SGCD: variants seen among roughly 807,000 people sequenced by gnomAD.
SGCD encodes delta-sarcoglycan.
A neutral mutation model predicts 36.6 loss-of-function variants in SGCD; 18 were observed. The observed-to-expected ratio is 0.49, with a 90% CI of 0.34 to 0.73. SGCD has a LOEUF of 0.73. SGCD is among the 30% of genes least tolerant of loss of function. SGCD has a pLI of 0.01. For synonymous variants in SGCD, 133 were observed against 130.6 expected, an observed-to-expected ratio of 1.02 and a Z score of -0.12; for missense variants, 387 against 346.7, an observed-to-expected ratio of 1.12 and a Z score of -0.92.
At chr5:156,431,457 G>A (rs1753006975) in intron 3 of SGCD, among the ~76,000 whole-genome samples, 2 of 152,102 alleles carry the variant, frequency 1.3e-5, no homozygotes, top group African/African-American at 4.8e-5. Context: ...AGGGGAACAA[G>A]GACCCCTTCT....
the SGCD span, chr5:155,845,567 G>A: frequency 6.6e-6 from 1 of 152,082 alleles, no homozygotes; most frequent in African/African-American, 2.4e-5. Context: ...TCCAAATGAA[G>A]TTATTACAAT....
chr5:156,582,622 A>T, intron 4 of SGCD, among the ~76,000 whole-genome samples: 1 of 152,212 alleles, frequency 6.6e-6, no homozygotes, highest in East Asian at 1.9e-4. Flanking sequence ...TAAAGAAAAT[A>T]TATCAGTATT....
Position 156,340,305 on chromosome 5 carries a change from T to C in SGCD, c.4-4184T>C, listed in dbSNP as rs550270008. ...TAAACTTTTGACTAGCTTCTGTCTT[T>C]TCTACTACCCATGTATTTCTGGTGC... On this transcript the variant is annotated intron_variant, in intron 2 of 8. Coordinates refer to ENST00000337851, the MANE Select transcript of SGCD (RefSeq NM_000337.6). Among the ~76,000 whole-genome samples the C allele has an allele frequency of 5.3e-5, 8 of 152,368 alleles. No homozygotes were observed. In the South Asian group the frequency reaches 1.0e-3, roughly 20 times the overall value.
At chr5:155,806,088 AT>A in the SGCD span, among the ~76,000 whole-genome samples, 1 of 152,192 alleles carries the variant, frequency 6.6e-6, no homozygotes, top group Non-Finnish European at 1.5e-5. Context: ...CATTCTTAGA[AT>A]GATAGACTTT....
intron 3 of SGCD, among the ~76,000 whole-genome samples, chr5:156,379,682 G>A (rs1426767680): frequency 6.6e-6 from 1 of 152,136 alleles, no homozygotes; most frequent in Admixed American, 6.5e-5. Context: ...GAGAAGGAAG[G>A]GGATGAGGTA....
intron 3 of SGCD, among the ~76,000 whole-genome samples, chr5:156,234,909 A>G (rs1765116953): frequency 6.6e-6 from 1 of 152,174 alleles, no homozygotes; most frequent in African/African-American, 2.4e-5. Flanking sequence ...ACCTGATGTG[A>G]GGCCTATACC....
chr5:156,656,035 A>C (rs1763660985), intron 7 of SGCD, among the ~76,000 whole-genome samples: 1 of 152,106 alleles, frequency 6.6e-6, no homozygotes, highest in Admixed American at 6.6e-5. Flanking sequence ...AGACGGTAAA[A>C]TCTTCTTTCT....
At chr5:156,355,865 G>A (rs1338840698) in intron 3 of SGCD, among the ~76,000 whole-genome samples, 1 of 152,174 alleles carries the variant, frequency 6.6e-6, no homozygotes, top group East Asian at 1.9e-4. Context: ...TTGAATTCCT[G>A]AACTCAAGTG....
upstream of SGCD, among the ~76,000 whole-genome samples, chr5:156,323,547 G>A (rs926145020): frequency 1.4e-5 from 2 of 143,354 alleles, no homozygotes; most frequent in African/African-American, 5.2e-5. Context: ...CTAGACATTG[G>A]AAAAATGGCA....
chr5:156,629,823 C>G (rs1020272491), intron 6 of SGCD, among the ~76,000 whole-genome samples: 4 of 151,036 alleles, frequency 2.6e-5, no homozygotes, highest in African/African-American at 9.8e-5. Context: ...GTTTGCCAGT[C>G]CCTGGTCTAG....
intron 4 of SGCD, among the ~76,000 whole-genome samples, chr5:156,536,290 T>A (rs1351747540): frequency 6.6e-6 from 1 of 152,192 alleles, no homozygotes; most frequent in Non-Finnish European, 1.5e-5. Context: ...TGGTCTCTAG[T>A]TAGTGTGTGG....
intron 4 of SGCD, among the ~76,000 whole-genome samples, chr5:156,564,599 T>C (rs1412971231): frequency 1.3e-5 from 2 of 152,200 alleles, no homozygotes; most frequent in Admixed American, 1.3e-4. Flanking sequence ...CACAGAACTC[T>C]TTTCATCTTG....
the SGCD span, among the ~76,000 whole-genome samples, chr5:155,822,571 A>G: frequency 6.6e-6 from 1 of 152,082 alleles, no homozygotes; most frequent in Non-Finnish European, 1.5e-5. Context: ...GAAAAAATCT[A>G]TAGGCAGTTG....
At chr5:156,375,454 T>C (rs1047854419) in intron 3 of SGCD, among the ~76,000 whole-genome samples, 1 of 150,222 alleles carries the variant, frequency 6.7e-6, no homozygotes, top group African/African-American at 2.5e-5. Context: ...GTGCTACCTA[T>C]GGTCTTGTGG....
chr5:155,907,787 A>G (rs1357251323), intron 1 of SGCD, among the ~76,000 whole-genome samples: 2 of 152,158 alleles, frequency 1.3e-5, no homozygotes, highest in African/African-American at 4.8e-5. Context: ...ATAACTAGAA[A>G]AGATTTAGAA....
chr5:156,371,004 T>G (rs990070519), intron 3 of SGCD, among the ~76,000 whole-genome samples: 2 of 152,280 alleles, frequency 1.3e-5, no homozygotes, highest in African/African-American at 4.8e-5. Flanking sequence ...GATGTTTTTC[T>G]CCCCTTATGG....
intron 3 of SGCD, among the ~76,000 whole-genome samples, chr5:156,374,812 C>T (rs539974454): frequency 3.2e-4 from 48 of 152,198 alleles, no homozygotes; most frequent in African/African-American, 9.6e-4. Flanking sequence ...ATGCTGACAG[C>T]ATACCAACAC....
At chr5:156,758,863 C>T (rs777119950) in intron 8 of SGCD, among the ~76,000 whole-genome samples, 3 of 151,922 alleles carry the variant, frequency 2.0e-5, no homozygotes, top group African/African-American at 4.8e-5. Flanking sequence ...CTTGAACACT[C>T]ACCTTGCACA....
intron 3 of SGCD, among the ~76,000 whole-genome samples, chr5:156,284,379 T>C (rs1766537342): frequency 6.6e-6 from 1 of 152,006 alleles, no homozygotes; most frequent in Admixed American, 6.6e-5. Flanking sequence ...AAAAAGAGAA[T>C]TTTAGACCAA....
Sources: gnomAD v4.1 joint callset for allele counts (sites outside exome capture counted in the v4.1 genomes callset) on GRCh38, gnomAD v4.1.1 for gene constraint, MANE v1.5 for transcripts, NCBI Gene and HGNC (gene_info 2026-07-23, HGNC 2026-07-21) for gene names.